The following GULP1 variants were observed in gnomAD, a reference collection of about 807,000 sequenced individuals.
GULP1 encodes GULP PTB domain containing engulfment adaptor 1.
A neutral mutation model predicts 40.9 loss-of-function variants in GULP1; 19 were observed. The observed-to-expected ratio is 0.46, with a 90% confidence interval of 0.32 to 0.68. The LOEUF is 0.68. Among genes scored for constraint, GULP1 ranks in the 30% least tolerant of loss-of-function variants. GULP1 has a pLI of 0.03. For synonymous variants in GULP1, 119 were observed against 117.6 expected (o/e 1.01, Z -0.08); for missense variants, 312 against 362.2 (o/e 0.86, Z 1.12).
intron 2 of GULP1, among the ~76,000 whole-genome samples, chr2:188,438,847 A>G (rs1310342735): frequency 2.6e-5 from 4 of 152,006 alleles, no homozygotes; most frequent in Non-Finnish European, 5.9e-5. Context: ...ATTGATTTGT[A>G]TGTTTTCATG....
At chr2:188,406,540 G>T (rs1201959506) in intron 2 of GULP1, among the ~76,000 whole-genome samples, 1 of 151,942 alleles carries the variant, frequency 6.6e-6, no homozygotes, top group East Asian at 1.9e-4. Context: ...AAAAAACATA[G>T]AAATTATGGA....
chr2:188,526,157 A>C (rs1686113677), intron 5 of GULP1, among the ~76,000 whole-genome samples: 2 of 152,180 alleles, frequency 1.3e-5, no homozygotes, highest in Admixed American at 1.3e-4. Context: ...AGTTCTATTT[A>C]TCAGTAGTAT....
intron 7 of GULP1, among the ~76,000 whole-genome samples, chr2:188,568,546 G>T (rs1310676633): frequency 6.6e-6 from 1 of 152,154 alleles, no homozygotes; most frequent in Non-Finnish European, 1.5e-5. Context: ...TATATATTTT[G>T]ATCACTGGCA....
intron 4 of GULP1, among the ~76,000 whole-genome samples, chr2:188,521,112 T>C (rs2065726057): frequency 6.6e-6 from 1 of 152,128 alleles, no homozygotes; most frequent in African/African-American, 2.4e-5. Context: ...TCTTTGGTCT[T>C]ATAATTGGTG....
At chr2:188,308,372 A>C (rs557657703) in intron 1 of GULP1, among the ~76,000 whole-genome samples, 2 of 152,308 alleles carry the variant, frequency 1.3e-5, no homozygotes, top group South Asian at 4.1e-4. Context: ...TGTTTTAGAA[A>C]ATAATTTTCC....
At chr2:188,298,639 T>C (rs2035507387) in intron 1 of GULP1, among the ~76,000 whole-genome samples, 1 of 152,170 alleles carries the variant, frequency 6.6e-6, no homozygotes, top group South Asian at 2.1e-4. Context: ...AGTAAATCAG[T>C]AAGAGGTCTC....
At chr2:188,394,461 C>T (rs772021190) in intron 2 of GULP1, among the ~76,000 whole-genome samples, 6 of 151,780 alleles carry the variant, frequency 4.0e-5, no homozygotes, top group Non-Finnish European at 8.8e-5. Flanking sequence ...AGTTAGTTTT[C>T]ACCTTTCTCT....
In GULP1 at chr2:188,367,502, A is replaced by C. The variant is rs181532098; in HGVS notation, c.-171-16261A>C. On this transcript the variant is annotated intron_variant, in intron 1 of 11. Transcript: ENST00000409830. ...AGCAATGGAGAATCAGGTGGTATTTAATATGTAGACACCTGGGGCTTTAAC... is the reference window on the plus strand; with the variant it reads ...AGCAATGGAGAATCAGGTGGTATTTCATATGTAGACACCTGGGGCTTTAAC... Among the ~76,000 whole-genome samples, 27 of 152,298 alleles carry C rather than the reference A, an allele frequency of 1.8e-4. 1 individual carries two copies. The highest frequency in any genetic ancestry group is 1.5e-5 in the Non-Finnish European group (1 of 68,028).
At chr2:188,477,848 T>G (rs2061139567) in intron 3 of GULP1, 118 bp downstream of exon 3, 85 of 682,046 alleles carry the variant, frequency 1.2e-4, no homozygotes, top group Middle Eastern at 2.5e-4. Context: ...GAAATGAAGT[T>G]AGATTAGAGC....
chr2:188,367,467 G>A (rs146376654), intron 1 of GULP1, among the ~76,000 whole-genome samples: 1 of 152,246 alleles, frequency 6.6e-6, no homozygotes, highest in African/African-American at 2.4e-5. Flanking sequence ...TTAGCTTGTG[G>A]GCATGGCACA....
intron 1 of GULP1, among the ~76,000 whole-genome samples, chr2:188,340,438 TG>T (rs1288079098): frequency 6.6e-6 from 1 of 151,952 alleles, no homozygotes; most frequent in Non-Finnish European, 1.5e-5. Context: ...TGCAGATGAG[TG>T]GGTGCAGGAG....
At chr2:188,466,444 ATTTTTTTTT>A (rs60944877) in intron 2 of GULP1, 1 of 118,186 alleles carries the variant, frequency 8.5e-6, no homozygotes, top group Admixed American at 8.8e-5. Flanking sequence ...TGCCCAGCTA[ATTTTTTTTT>A]TTTTTTTTTT....
chr2:188,474,869 A>C (rs2153025281), intron 2 of GULP1, among the ~76,000 whole-genome samples: 1 of 152,278 alleles, frequency 6.6e-6, no homozygotes, highest in African/African-American at 2.4e-5. Flanking sequence ...TGTAGTCACT[A>C]AAACAATATT....
chr2:188,413,809 G>A (rs2152728885), intron 2 of GULP1, among the ~76,000 whole-genome samples: 1 of 152,218 alleles, frequency 6.6e-6, no homozygotes, highest in South Asian at 2.1e-4. Flanking sequence ...GAGAGCTAAG[G>A]CTTACCCTTT....
chr2:188,412,301 TA>T (rs1182358005), intron 2 of GULP1, among the ~76,000 whole-genome samples: 3 of 152,130 alleles, frequency 2.0e-5, no homozygotes, highest in Non-Finnish European at 2.9e-5. Flanking sequence ...CCCCCATGAT[TA>T]AATTACCTCC....
At chr2:188,582,758 T>A (rs1235701384) in intron 9 of GULP1, among the ~76,000 whole-genome samples, 3 of 152,178 alleles carry the variant, frequency 2.0e-5, no homozygotes, top group Non-Finnish European at 4.4e-5. Context: ...TAGAGGGTGG[T>A]GACAGTGTAG....
intron 1 of GULP1, chr2:188,294,222 G>A (rs1389214913): frequency 6.6e-6 from 1 of 152,132 alleles, no homozygotes; most frequent in African/African-American, 2.4e-5. Context: ...AAGACTTAAG[G>A]GTTTGAGCAG....
At chr2:188,592,119 G>C (rs1163399769) in intron 11 of GULP1, 1 of 152,014 alleles carries the variant, frequency 6.6e-6, no homozygotes, top group South Asian at 2.1e-4. Flanking sequence ...ATTGACCTCT[G>C]TTTTACTTTG....
At chr2:188,556,492 T>G (rs1182150708) in intron 7 of GULP1, among the ~76,000 whole-genome samples, 1 of 152,198 alleles carries the variant, frequency 6.6e-6, no homozygotes, top group Non-Finnish European at 1.5e-5. Flanking sequence ...TGTATTTCAC[T>G]GAGCTTCTTT....
Sources: allele counts gnomAD v4.1 joint callset (sites outside exome capture counted in the v4.1 genomes callset), GRCh38; gene constraint gnomAD v4.1.1; transcripts MANE v1.5; gene names NCBI Gene and HGNC (gene_info 2026-07-23, HGNC 2026-07-21).